The following ATP6V0A1 variants were observed in gnomAD, a reference collection of about 807,000 sequenced individuals.
ATP6V0A1 encodes V-type proton ATPase 116 kDa subunit a 1.
Under a neutral mutation model 105.4 loss-of-function variants are expected in ATP6V0A1, and 43 were observed. That is an observed-to-expected ratio of 0.41 (90% confidence interval 0.32 to 0.53). The LOEUF (loss-of-function observed/expected upper bound fraction) is 0.53. ATP6V0A1 is among the 20% of genes least tolerant of loss of function. ATP6V0A1 has a pLI of 0.30. For synonymous variants in ATP6V0A1, 362 were observed against 372.8 expected (o/e 0.97, Z 0.33); for missense variants, 676 against 1,051.1 (o/e 0.64, Z 4.93).
chr17:42,501,453 C>T (rs969530997), intron 17 of ATP6V0A1, 149 bp downstream of exon 17: 1 of 656,854 alleles, frequency 1.5e-6, no homozygotes, highest in African/African-American at 1.8e-5. Context: ...CTCGCTCTGT[C>T]CCCCAGGCTG....
chr17:42,468,452 A>G (rs1430277698), intron 4 of ATP6V0A1, among the ~76,000 whole-genome samples: 1 of 152,052 alleles, frequency 6.6e-6, no homozygotes, highest in African/African-American at 2.4e-5. Flanking sequence ...TAGGCACCCT[A>G]CTCTGCTATT....
At chr17:42,509,912 T>C (rs577321041) in intron 19 of ATP6V0A1, 9 of 151,806 alleles carry the variant, frequency 5.9e-5, no homozygotes, top group African/African-American at 2.2e-4. Flanking sequence ...CAGGCACATA[T>C]ACAGTCTGGT....
Position 42,460,936 on chromosome 17 carries a change from G to A in ATP6V0A1, c.42G>A (p.Gln14=), listed in dbSNP as rs181018431. ...LFRSEEMTLA[Q]LFLQSEAAYC... The stretch of plus-strand genomic sequence containing the variant: ...GGAGTGAAGAAATGACACTGGCCCA[G>A]CTTTTTCTACAGTCAGAGGCTGCTT... The change falls in exon 2 of 22, where the codon CAG becomes CAA. Residue 14 remains glutamine, a synonymous_variant. Coordinates refer to ENST00000343619, the MANE Select transcript of ATP6V0A1 (RefSeq NM_001130021.3). 812 of 1,614,064 alleles carry A rather than the reference G, an allele frequency of 5.0e-4. 3 individuals are homozygous for A. Among genetic ancestry groups the A allele is most frequent in the Middle Eastern group, 1.8e-3 (11 of 6,062 alleles).
chr17:42,486,335 C>T (rs1013820475), intron 9 of ATP6V0A1, among the ~76,000 whole-genome samples: 3 of 151,766 alleles, frequency 2.0e-5, no homozygotes, highest in Middle Eastern at 3.2e-3. Flanking sequence ...CGTTTGAACC[C>T]GGGAGGTGGA....
intron 11 of ATP6V0A1, among the ~76,000 whole-genome samples, chr17:42,493,180 G>A (rs1052857505): frequency 3.3e-5 from 5 of 152,004 alleles, no homozygotes; most frequent in African/African-American, 1.2e-4. Flanking sequence ...CCTGTTCCAA[G>A]GTTAGACAGA....
intron 5 of ATP6V0A1, among the ~76,000 whole-genome samples, chr17:42,475,429 T>G (rs2088599935): frequency 6.6e-6 from 1 of 152,260 alleles, no homozygotes; most frequent in Admixed American, 6.5e-5. Flanking sequence ...TAAGACAAGC[T>G]TGTCCAGCCC....
intron 8 of ATP6V0A1, 106 bp from the exon 9 acceptor site, chr17:42,482,932 A>G: frequency 1.6e-6 from 1 of 618,636 alleles, no homozygotes. Flanking sequence ...GACTTAATAC[A>G]TCGGTCTGAC....
Position 42,460,845 on chromosome 17 carries a change from C to G in ATP6V0A1, c.-47-3C>G, listed in dbSNP as rs755366315. ...AAGTTATGTCATTTTCTCTTTGCTT[C>G]AGGTTGGAGAGAAATCCAGGTACTC... On this transcript the variant is annotated splice_polypyrimidine_tract_variant and splice_region_variant and intron_variant, in intron 1 of 21. Coordinates refer to ENST00000343619, the MANE Select transcript of ATP6V0A1 (RefSeq NM_001130021.3). 15 of 1,439,236 alleles carry G rather than the reference C, an allele frequency of 1.0e-5. No homozygotes were observed. Among genetic ancestry groups the G allele is most frequent in the Non-Finnish European group, 1.5e-5 (15 of 1,023,250 alleles). The allele number at this position is 1,439,236 out of a possible 1,614,324, so 89.2% of individuals were successfully genotyped here. A position where few individuals can be genotyped will look rare whatever the true frequency, so the allele number is the denominator to read the frequency against.
chr17:42,467,819 AAG>A (rs2087302052), intron 3 of ATP6V0A1, among the ~76,000 whole-genome samples, 189 bp from the exon 4 acceptor site: 3 of 152,110 alleles, frequency 2.0e-5, no homozygotes, highest in Admixed American at 2.0e-4. Flanking sequence ...AGGAAGGAGA[AAG>A]AGGGATGGGG....
intron 5 of ATP6V0A1, among the ~76,000 whole-genome samples, chr17:42,475,541 C>T (rs997097581): frequency 4.0e-5 from 6 of 151,804 alleles, no homozygotes; most frequent in African/African-American, 1.5e-4. Context: ...TTTTTTAGCT[C>T]ATTAGTTATC....
At chr17:42,512,618 C>T (rs1439124975) in intron 19 of ATP6V0A1, among the ~76,000 whole-genome samples, 1 of 152,180 alleles carries the variant, frequency 6.6e-6, no homozygotes, top group Non-Finnish European at 1.5e-5. Context: ...GAGAAGCAGA[C>T]GTTCGCCCAG....
Position 42,487,318 on chromosome 17 carries a change from G to T in ATP6V0A1, c.974G>T (p.Cys325Phe). The change falls in exon 10 of 22, where the codon TGC becomes TTC. Residue 325 changes from cysteine to phenylalanine, a missense_variant. Around this residue, in one of 3 missense-constraint regions of ATP6V0A1, gnomAD observed 2 missense variants for 20.5 expected, o/e 0.10. Transcript: ENST00000343619. ...TQKCLIAEVW[C>F]PVTDLDSIQF... ...AAATGCTTGATTGCAGAGGTCTGGT[G>T]CCCTGTCACCGACCTTGACTCCATC... 6.2e-7 allele frequency: 1 copy of T among 1,614,178 alleles called. No individual in the cohort carries two copies. The highest frequency in any genetic ancestry group is 8.5e-7 in the Non-Finnish European group (1 of 1,180,036).
At chr17:42,520,256 G>A (rs2092784387) in intron 21 of ATP6V0A1, 14 of 359,524 alleles carry the variant, frequency 3.9e-5, no homozygotes, top group South Asian at 3.0e-4. Context: ...ATTTGGTGTG[G>A]TTTGGTTGCT....
At chr17:42,469,580 C>A (rs963043511) in intron 4 of ATP6V0A1, among the ~76,000 whole-genome samples, 5 of 152,032 alleles carry the variant, frequency 3.3e-5, no homozygotes, top group African/African-American at 1.2e-4. Flanking sequence ...AGATGAGCCA[C>A]CCACCTCAGA....
intron 9 of ATP6V0A1, among the ~76,000 whole-genome samples, chr17:42,484,215 C>G (rs2089869509): frequency 6.6e-6 from 1 of 151,832 alleles, no homozygotes; most frequent in Admixed American, 6.6e-5. Flanking sequence ...CCGCCACACG[C>G]CCGGCTAATT....
intron 15 of ATP6V0A1, among the ~76,000 whole-genome samples, chr17:42,499,993 T>C (rs1015459590): frequency 3.4e-5 from 5 of 146,280 alleles, no homozygotes; most frequent in Non-Finnish European, 5.9e-5. Flanking sequence ...GCCAGCACTT[T>C]GGGAGGCCAA....
chr17:42,489,014 C>CAA (rs1177722638), intron 10 of ATP6V0A1, among the ~76,000 whole-genome samples: 8 of 96,724 alleles, frequency 8.3e-5, no homozygotes, highest in African/African-American at 1.5e-4. Context: ...GACTCTGTCT[C>CAA]AAAAAAAAAA....
intron 1 of ATP6V0A1, among the ~76,000 whole-genome samples, chr17:42,459,367 C>T (rs1464570158): frequency 6.6e-6 from 1 of 152,166 alleles, no homozygotes; most frequent in Non-Finnish European, 1.5e-5. Flanking sequence ...TGGGAGGAGG[C>T]GAGGACCGGA....
intron 15 of ATP6V0A1, among the ~76,000 whole-genome samples, chr17:42,499,967 G>A (rs1214715422): frequency 1.3e-5 from 2 of 151,332 alleles, no homozygotes; most frequent in African/African-American, 4.9e-5. Flanking sequence ...TGGGTGTGGG[G>A]GCTCACACCT....
Sources: allele counts gnomAD v4.1 joint callset (sites outside exome capture counted in the v4.1 genomes callset), GRCh38; gene constraint gnomAD v4.1.1; regional missense constraint gnomAD v4.1.1; transcripts MANE v1.5; gene names NCBI Gene and HGNC (gene_info 2026-07-23, HGNC 2026-07-21).